Variants in TRIM2 observed in about 807,000 individuals in gnomAD.
TRIM2 encodes the protein tripartite motif containing 2.
A neutral mutation model predicts 75.2 loss-of-function variants in TRIM2; 20 were observed. That is an observed-to-expected ratio of 0.27 (90% CI 0.19 to 0.39). TRIM2 has a LOEUF of 0.39. TRIM2 is among the 10% of genes least tolerant of loss of function. TRIM2 has a pLI of 1.00. For synonymous variants in TRIM2, 373 were observed against 388.3 expected, an observed-to-expected ratio of 0.96 and a Z score of 0.46; for missense variants, 660 against 990.8, an observed-to-expected ratio of 0.67 and a Z score of 4.48.
chr4:153,284,482 GC>G (rs1267677301), intron 3 of TRIM2, among the ~76,000 whole-genome samples: 3 of 152,212 alleles, frequency 2.0e-5, no homozygotes, highest in Non-Finnish European at 4.4e-5. Context: ...GGGATTACAG[GC>G]ATGAGCCACC....
intron 1 of TRIM2, among the ~76,000 whole-genome samples, chr4:153,255,654 G>T (rs533143625): frequency 4.7e-4 from 71 of 152,308 alleles, no homozygotes; most frequent in Non-Finnish European, 9.4e-4. Context: ...GTGCACAAAT[G>T]TTTATAGCAG....
chr4:153,241,318 A>T (rs758363167), intron 1 of TRIM2, among the ~76,000 whole-genome samples: 2 of 152,158 alleles, frequency 1.3e-5, no homozygotes, highest in Non-Finnish European at 2.9e-5. Flanking sequence ...CAGGCTGGAC[A>T]CCCAGTCCTT....
At chr4:153,222,620 G>A (rs1740915834) in intron 1 of TRIM2, 1 of 152,116 alleles carries the variant, frequency 6.6e-6, no homozygotes, top group Admixed American at 6.6e-5. Context: ...CCTCTGCCTC[G>A]CGGTTGATGG....
At chr4:153,330,256 G>GTA (rs1771165042) in intron 11 of TRIM2, among the ~76,000 whole-genome samples, 1 of 152,148 alleles carries the variant, frequency 6.6e-6, no homozygotes, top group Non-Finnish European at 1.5e-5. Flanking sequence ...AGTAACAATT[G>GTA]TATACAATTT....
At chr4:153,326,536 GGGGT>G (rs1181628216) in intron 10 of TRIM2, among the ~76,000 whole-genome samples, 58 of 152,184 alleles carry the variant, frequency 3.8e-4, no homozygotes, top group Admixed American at 2.4e-3. Flanking sequence ...GTGCTAACAA[GGGGT>G]CTAGTTAGCT....
At chr4:153,324,210 G>A (rs1407399288) in intron 10 of TRIM2, 62 bp downstream of exon 10, 11 of 1,454,728 alleles carry the variant, frequency 7.6e-6, no homozygotes, top group African/African-American at 5.6e-5. Flanking sequence ...ATTGGTCTGC[G>A]AGAAAATAAT....
At chr4:153,317,941 C>T (rs1484076287) in intron 8 of TRIM2, among the ~76,000 whole-genome samples, 1 of 152,096 alleles carries the variant, frequency 6.6e-6, no homozygotes, top group Admixed American at 6.5e-5. Context: ...GCCTAGGTGA[C>T]AGAGTAAGAC....
At chr4:153,161,676 TTTGTATCCTTTGGTTC>T (rs1044408963) in intron 1 of TRIM2, among the ~76,000 whole-genome samples, 1 of 152,234 alleles carries the variant, frequency 6.6e-6, no homozygotes, top group African/African-American at 2.4e-5. Context: ...ATTAGTTTTC[TTTGTATCCTTTGGTTC>T]TCACAGGCCA....
At chr4:153,213,488 ATTAAT>A (rs1737635494) in intron 1 of TRIM2, among the ~76,000 whole-genome samples, 2 of 152,170 alleles carry the variant, frequency 1.3e-5, no homozygotes, top group East Asian at 1.9e-4. Context: ...ATGCATCTTA[ATTAAT>A]TTAATCTTTG....
upstream of TRIM2, among the ~76,000 whole-genome samples, chr4:153,202,390 G>A (rs970752808): frequency 3.4e-4 from 52 of 152,124 alleles, no homozygotes; most frequent in African/African-American, 1.2e-3. Context: ...TTACTTCAGT[G>A]TATTATTTAG....
At chr4:153,265,467 C>T (rs147063195) in intron 1 of TRIM2, among the ~76,000 whole-genome samples, 2,188 of 152,002 alleles carry the variant, frequency 0.014, 61 homozygotes, top group African/African-American at 0.05. Context: ...CCTCAGCCAC[C>T]GGAGTAGCTG....
chr4:153,253,091 G>A (rs1751252611), intron 1 of TRIM2, among the ~76,000 whole-genome samples: 1 of 152,212 alleles, frequency 6.6e-6, no homozygotes, highest in Non-Finnish European at 1.5e-5. Flanking sequence ...TCCAGACTGT[G>A]GGTGGGAGGA....
intron 9 of TRIM2, 23 bp from the exon 10 acceptor site, chr4:153,324,055 A>G (rs1561016446): frequency 6.2e-7 from 1 of 1,601,784 alleles, no homozygotes; most frequent in Admixed American, 1.7e-5. Context: ...GTCATCACAT[A>G]TTTTTTTCCA....
chr4:153,325,728 C>A (rs956028998), intron 10 of TRIM2, among the ~76,000 whole-genome samples: 6 of 152,164 alleles, frequency 3.9e-5, no homozygotes, highest in African/African-American at 1.4e-4. Flanking sequence ...TAGGTTCTGC[C>A]CACTCCCAGC....
chr4:153,322,968 T>G (rs1652704767), intron 9 of TRIM2, 152 bp downstream of exon 9: 2 of 1,138,166 alleles, frequency 1.8e-6, no homozygotes, highest in Non-Finnish European at 2.4e-6. Context: ...AAAGCATGTT[T>G]CGTTGCTTGA....
intron 1 of TRIM2, among the ~76,000 whole-genome samples, chr4:153,172,942 C>A (rs1332295585): frequency 6.6e-6 from 1 of 152,106 alleles, no homozygotes; most frequent in Non-Finnish European, 1.5e-5. Context: ...CTCCTTGGGG[C>A]CACAACCCCA....
chr4:153,202,788 G>T (rs920969456), upstream of TRIM2, among the ~76,000 whole-genome samples: 1 of 151,418 alleles, frequency 6.6e-6, no homozygotes, highest in South Asian at 2.1e-4. Flanking sequence ...GCATTGGAAG[G>T]TTAAGCTGCT....
chr4:153,259,954 C>A (rs1191021388), intron 1 of TRIM2, among the ~76,000 whole-genome samples: 1 of 152,184 alleles, frequency 6.6e-6, no homozygotes, highest in Non-Finnish European at 1.5e-5. Flanking sequence ...TCTTCACATT[C>A]TCGACAGCCT....
Position 153,295,354 on chromosome 4 carries a change from G to C in TRIM2, c.828G>C (p.Glu276Asp), listed in dbSNP as rs1003763532. 2 of 1,612,504 alleles carry C rather than the reference G, an allele frequency of 1.2e-6. No individual in the cohort carries two copies. Among genetic ancestry groups the C allele is most frequent in the Admixed American group, 1.7e-5 (1 of 59,824 alleles). The change falls in exon 6 of 12, where the codon GAG becomes GAC. Residue 276 changes from glutamate (E) to aspartate (D), a missense_variant. This residue lies in a region of TRIM2 where 620 missense variants were observed against 891.0 expected (regional missense o/e 0.70). Coordinates refer to ENST00000338700, the MANE Select transcript of TRIM2 (RefSeq NM_015271.5). This position sits in a 1 kb window ranked among gnomAD's most constrained non-coding sequence, Gnocchi z 7.2. Reference sequence around the variant, plus strand: ...TGGATACTCTGCTCCAGGGGCAGGAGAGCATTAAGAGCTGCAGCAACTTCA... The same window carrying C: ...TGGATACTCTGCTCCAGGGGCAGGACAGCATTAAGAGCTGCAGCAACTTCA... ...SQLDTLLQGQ[E>D]SIKSCSNFTA... is the part of the protein sequence containing the mutation.
Sources: allele counts gnomAD v4.1 joint callset (sites outside exome capture counted in the v4.1 genomes callset), GRCh38; gene constraint gnomAD v4.1.1; regional missense constraint gnomAD v4.1.1; non-coding constraint Gnocchi (gnomAD v3.1); transcripts MANE v1.5; gene names NCBI Gene and HGNC (gene_info 2026-07-23, HGNC 2026-07-21).